The following PLXNA4 variants were observed in gnomAD, a reference collection of about 807,000 sequenced individuals.
PLXNA4 encodes the protein plexin-A4.
In PLXNA4, 44 loss-of-function variants were observed where a neutral mutation model predicts 191.8. The observed-to-expected ratio is 0.23, with a 90% confidence interval of 0.18 to 0.29. The LOEUF (loss-of-function observed/expected upper bound fraction) is 0.29. Ranked by LOEUF, PLXNA4 falls within the 10% of genes least tolerant of loss-of-function variation. PLXNA4 has a pLI of 1.00. For synonymous variants in PLXNA4, 1,082 were observed against 1,009.5 expected (o/e 1.07, Z -1.36); for missense variants, 1,800 against 2,488.8 (o/e 0.72, Z 5.89).
At chr7:132,432,612 G>A (rs1300486060) in intron 3 of PLXNA4, among the ~76,000 whole-genome samples, 3 of 152,164 alleles carry the variant, frequency 2.0e-5, no homozygotes, top group Non-Finnish European at 4.4e-5. Context: ...GTGTGGGGAA[G>A]GACTATTTCA....
At chr7:132,357,228 C>T (rs1371534455) in intron 3 of PLXNA4, among the ~76,000 whole-genome samples, 1 of 152,158 alleles carries the variant, frequency 6.6e-6, no homozygotes, top group Admixed American at 6.5e-5. Context: ...TTGCAGGGCA[C>T]ATGGAGTAAA....
chr7:132,256,760 A>G (rs1799445972), intron 4 of PLXNA4, among the ~76,000 whole-genome samples: 1 of 152,162 alleles, frequency 6.6e-6, no homozygotes, highest in South Asian at 2.1e-4. Flanking sequence ...GACCCTGTTA[A>G]TGGGCTGGGT....
At chr7:132,357,410 A>G (rs1803754566) in intron 3 of PLXNA4, among the ~76,000 whole-genome samples, 1 of 152,180 alleles carries the variant, frequency 6.6e-6, no homozygotes, top group Non-Finnish European at 1.5e-5. Flanking sequence ...TCAGGAGTGC[A>G]TGTCTCAAGG....
intron 3 of PLXNA4, among the ~76,000 whole-genome samples, chr7:132,377,422 G>GAAAAAAAAAAAAAAAAAAAAA (rs10596289): frequency 1.2e-5 from 1 of 86,460 alleles, no homozygotes; most frequent in Non-Finnish European, 2.5e-5. Context: ...AAATGAAAAA[G>GAAAAAAAAAAAAAAAAAAAAA]AAAAAAAAAA....
intron 5 of PLXNA4, among the ~76,000 whole-genome samples, chr7:132,234,596 T>TTTTGTG (rs1554397267): frequency 6.9e-6 from 1 of 144,158 alleles, no homozygotes; most frequent in Non-Finnish European, 1.5e-5. Flanking sequence ...AGCATGTGTT[T>TTTTGTG]TGTGTGTGTG....
At chr7:132,574,111 A>G (rs1398064279) in intron 1 of PLXNA4, among the ~76,000 whole-genome samples, 1 of 152,230 alleles carries the variant, frequency 6.6e-6, no homozygotes, top group African/African-American at 2.4e-5. Flanking sequence ...GAAAGTGCAG[A>G]GATTTTCTGA....
intron 2 of PLXNA4, among the ~76,000 whole-genome samples, chr7:132,636,695 A>G (rs950251197): frequency 2.0e-5 from 3 of 152,088 alleles, no homozygotes; most frequent in African/African-American, 7.2e-5. Context: ...GCCACCCCAC[A>G]TGCTTCCCCC....
chr7:132,217,814 T>C (rs1798011235), intron 9 of PLXNA4, among the ~76,000 whole-genome samples: 1 of 150,706 alleles, frequency 6.6e-6, no homozygotes, highest in African/African-American at 2.4e-5. Flanking sequence ...AGTGCAGTTG[T>C]CTGGAGGAAT....
chr7:132,521,877 T>G (rs1435000997), intron 1 of PLXNA4, among the ~76,000 whole-genome samples: 1 of 152,158 alleles, frequency 6.6e-6, no homozygotes, highest in East Asian at 1.9e-4. Context: ...GGCACCCCTA[T>G]GACTTGGTCA....
intron 9 of PLXNA4, among the ~76,000 whole-genome samples, chr7:132,212,137 C>T (rs909583754): frequency 3.3e-5 from 5 of 152,182 alleles, no homozygotes; most frequent in African/African-American, 1.2e-4. Flanking sequence ...ATCTGTGGCA[C>T]TGTCTGGGGC....
At chr7:132,267,533 T>C (rs1799902964) in intron 4 of PLXNA4, among the ~76,000 whole-genome samples, 1 of 152,170 alleles carries the variant, frequency 6.6e-6, no homozygotes, top group African/African-American at 2.4e-5. Flanking sequence ...CCCAGGGTGA[T>C]CCACTGCTGT....
intron 4 of PLXNA4, among the ~76,000 whole-genome samples, chr7:132,246,768 A>AATCATCATC (rs34617807): frequency 5.4e-4 from 81 of 149,880 alleles, no homozygotes; most frequent in Non-Finnish European, 8.1e-4. Context: ...TTGTACATGC[A>AATCATCATC]ATCATCATCA....
chr7:132,435,117 T>C (rs1463051077), intron 3 of PLXNA4, among the ~76,000 whole-genome samples: 1 of 152,090 alleles, frequency 6.6e-6, no homozygotes, highest in Non-Finnish European at 1.5e-5. Flanking sequence ...GAGCAGGAAG[T>C]ATGTTTGCCT....
intron 4 of PLXNA4, among the ~76,000 whole-genome samples, chr7:132,294,653 G>A (rs945540965): frequency 4.6e-5 from 7 of 152,280 alleles, no homozygotes; most frequent in Middle Eastern, 3.4e-3. Flanking sequence ...CCATATTCTG[G>A]AAACATTTTG....
rs1585123698 is a variant in PLXNA4, at chr7:132,429,953, G to A, written c.1371+59339C>T. ...GTCCCCAGGAGCAGAGTGGGCAGCTGGATGACAGCTTTCCCTAGATGGGCA... is the reference window on the plus strand; with the variant it reads ...GTCCCCAGGAGCAGAGTGGGCAGCTAGATGACAGCTTTCCCTAGATGGGCA... On this transcript the variant is annotated intron_variant, in intron 3 of 31. Coordinates refer to ENST00000321063, the MANE Select transcript of PLXNA4 (RefSeq NM_020911.2). Among the ~76,000 whole-genome samples, 3 of 152,286 alleles carry A rather than the reference G, an allele frequency of 2.0e-5. No individual in the cohort carries two copies. The South Asian group carries it at 6.2e-4, about 32-fold the overall frequency.
At chr7:132,388,790 C>G (rs957316876) in intron 3 of PLXNA4, among the ~76,000 whole-genome samples, 2 of 150,002 alleles carry the variant, frequency 1.3e-5, no homozygotes, top group African/African-American at 5.1e-5. Flanking sequence ...TGAGCTCAAG[C>G]CTGGGGCTCA....
intron 3 of PLXNA4, among the ~76,000 whole-genome samples, chr7:132,328,416 G>A (rs796393948): frequency 4.6e-5 from 7 of 152,100 alleles, no homozygotes; most frequent in African/African-American, 1.7e-4. Flanking sequence ...GCTTGGCGGA[G>A]GGCTGGACAA....
chr7:132,346,767 C>T (rs1803260030), intron 3 of PLXNA4, among the ~76,000 whole-genome samples: 1 of 152,214 alleles, frequency 6.6e-6, no homozygotes, highest in Non-Finnish European at 1.5e-5. Flanking sequence ...GGAGAATTTA[C>T]ACATACACAC....
At chr7:132,465,107 A>G (rs564351806) in intron 3 of PLXNA4, among the ~76,000 whole-genome samples, 1 of 152,194 alleles carries the variant, frequency 6.6e-6, no homozygotes, top group Non-Finnish European at 1.5e-5. Flanking sequence ...CACCACTTGC[A>G]TCCCCCACTC....
Sources: gnomAD v4.1 joint callset for allele counts (sites outside exome capture counted in the v4.1 genomes callset) on GRCh38, gnomAD v4.1.1 for gene constraint, MANE v1.5 for transcripts, NCBI Gene and HGNC (gene_info 2026-07-23, HGNC 2026-07-21) for gene names.